The following PSD3 variants were observed in gnomAD, a reference collection of about 807,000 sequenced individuals.
The protein encoded by PSD3 is pleckstrin and Sec7 domain containing 3, also known as PH and SEC7 domain-containing protein 3.
In PSD3, 49 loss-of-function variants were observed where a neutral mutation model predicts 105.5. The ratio of observed to expected loss-of-function variants is 0.46; its 90% CI spans 0.37 to 0.59. The LOEUF (loss-of-function observed/expected upper bound fraction) is 0.59. PSD3 is among the 20% of genes least tolerant of loss of function. PSD3 has a pLI of 0.00. For synonymous variants in PSD3, 557 were observed against 457.8 expected, an observed-to-expected ratio of 1.22 and a Z score of -2.77; for missense variants, 1,561 against 1,263.8, an observed-to-expected ratio of 1.24 and a Z score of -3.57.
At chr8:18,965,377 T>G (rs578117998) in intron 1 of PSD3, among the ~76,000 whole-genome samples, 16 of 152,300 alleles carry the variant, frequency 1.1e-4, no homozygotes, top group African/African-American at 3.4e-4. Context: ...GGTTGCGCCC[T>G]TGAGGAACCA....
chr8:18,869,216 G>T, intron 3 of PSD3, among the ~76,000 whole-genome samples: 1 of 130,520 alleles, frequency 7.7e-6, no homozygotes, highest in Non-Finnish European at 1.6e-5. Context: ...TTGAGATGCA[G>T]TCTAACTCTA....
chr8:18,871,562 G>T, intron 3 of PSD3, 64 bp downstream of exon 3: 1 of 1,516,600 alleles, frequency 6.6e-7, no homozygotes, highest in Non-Finnish European at 8.8e-7. Context: ...ATCAAGTACA[G>T]GATAACAGTT....
intron 13 of PSD3, among the ~76,000 whole-genome samples, chr8:18,574,798 A>G (rs2634431): frequency 0.86 from 130,478 of 152,100 alleles, 56,351 homozygotes; most frequent in South Asian, 0.94. Context: ...CTAGAGAAAC[A>G]GTGTTATCTA....
At chr8:18,615,559 T>C (rs1344460489) in intron 11 of PSD3, among the ~76,000 whole-genome samples, 1 of 152,238 alleles carries the variant, frequency 6.6e-6, no homozygotes, top group East Asian at 1.9e-4. Flanking sequence ...ACTGAAACTT[T>C]ATATATAACA....
chr8:18,672,093 A>C (rs1799817515), intron 9 of PSD3, among the ~76,000 whole-genome samples: 1 of 152,216 alleles, frequency 6.6e-6, no homozygotes, highest in African/African-American at 2.4e-5. Flanking sequence ...AAATTTGTTA[A>C]TGTCCATCTT....
At chr8:18,804,321 G>A in intron 6 of PSD3, 2 of 497,742 alleles carry the variant, frequency 4.0e-6, no homozygotes, top group African/African-American at 4.0e-5. Context: ...ACTTGGATAA[G>A]TATAACACAA....
intron 1 of PSD3, among the ~76,000 whole-genome samples, chr8:18,979,215 C>CA (rs1441677129): frequency 1.3e-5 from 2 of 151,898 alleles, no homozygotes; most frequent in Non-Finnish European, 2.9e-5. Context: ...TTTTTCATTG[C>CA]AGGCTTCCAA....
At chr8:18,968,637 G>C (rs1824434585) in intron 1 of PSD3, among the ~76,000 whole-genome samples, 1 of 152,188 alleles carries the variant, frequency 6.6e-6, no homozygotes, top group African/African-American at 2.4e-5. Flanking sequence ...AGCACTTTGG[G>C]AGACCGAGGC....
intron 4 of PSD3, among the ~76,000 whole-genome samples, chr8:18,825,619 C>T (rs1300861046): frequency 6.6e-6 from 1 of 152,160 alleles, no homozygotes; most frequent in African/African-American, 2.4e-5. Context: ...TTTTTCCAGT[C>T]CCAGCTCAAA....
chr8:18,892,640 T>C (rs908453560), intron 2 of PSD3, among the ~76,000 whole-genome samples: 3 of 151,412 alleles, frequency 2.0e-5, no homozygotes, highest in African/African-American at 7.3e-5. Context: ...TTTTTTTTTT[T>C]TTGAGACAGG....
At chr8:18,861,264 A>G (rs541586449) in intron 4 of PSD3, among the ~76,000 whole-genome samples, 36 of 152,198 alleles carry the variant, frequency 2.4e-4, no homozygotes, top group African/African-American at 8.4e-4. Flanking sequence ...CTTCCAGGAA[A>G]CTGACCTTAC....
Position 18,939,033 on chromosome 8 carries a change from C to A in PSD3, c.22-2891G>T, listed in dbSNP as rs554700150. On this transcript the variant is annotated intron_variant, in intron 1 of 15. Coordinates refer to ENST00000327040, the MANE Select transcript of PSD3 (RefSeq NM_015310.4). Reference sequence around the variant, plus strand: ...GGACTCACTAAAACATCAGAAAGAACATTTTTAAAAAGGAATCCATTACAG... The same window carrying A: ...GGACTCACTAAAACATCAGAAAGAAAATTTTTAAAAAGGAATCCATTACAG... 4.6e-5 allele frequency among the ~76,000 whole-genome samples: 7 copies of A among 151,986 alleles called. 1 individual carries two copies. In the South Asian group the frequency reaches 1.5e-3, roughly 32 times the overall value.
chr8:19,014,708 T>G (rs1020395942), upstream of PSD3, among the ~76,000 whole-genome samples: 5 of 152,308 alleles, frequency 3.3e-5, no homozygotes, highest in Middle Eastern at 3.4e-3. The surrounding 1 kb of genome is among the most constrained non-coding windows in gnomAD (Gnocchi z 4.9). Context: ...GTGACTGACT[T>G]GGCCAAGCTT....
chr8:19,066,775 C>G (rs992697195), intron 1 of PSD3, among the ~76,000 whole-genome samples: 1 of 152,144 alleles, frequency 6.6e-6, no homozygotes, highest in East Asian at 1.9e-4. Context: ...ACACAACATG[C>G]CCACCCACCC....
intron 4 of PSD3, among the ~76,000 whole-genome samples, chr8:18,848,514 G>T (rs1485322100): frequency 1.3e-5 from 2 of 152,172 alleles, no homozygotes; most frequent in Non-Finnish European, 2.9e-5. Context: ...AGGCAGCCAA[G>T]CCAGGCATGC....
chr8:18,708,103 G>A (rs192286495), intron 9 of PSD3, among the ~76,000 whole-genome samples: 1 of 152,312 alleles, frequency 6.6e-6, no homozygotes, highest in African/African-American at 2.4e-5. Flanking sequence ...CCTGGAGACA[G>A]GGGAGAAAGG....
At chr8:18,911,151 C>T (rs1034613437) in intron 2 of PSD3, among the ~76,000 whole-genome samples, 2 of 152,030 alleles carry the variant, frequency 1.3e-5, no homozygotes, top group Non-Finnish European at 2.9e-5. Flanking sequence ...GGAGTGTTTT[C>T]GGTAGAGTGG....
intron 1 of PSD3, among the ~76,000 whole-genome samples, chr8:18,986,896 C>A (rs915627595): frequency 6.6e-6 from 1 of 152,154 alleles, no homozygotes; most frequent in African/African-American, 2.4e-5. Flanking sequence ...GGACCTCACA[C>A]ACCGTGGGCC....
At chr8:18,642,995 T>C (rs1807765232) in intron 10 of PSD3, among the ~76,000 whole-genome samples, 1 of 152,206 alleles carries the variant, frequency 6.6e-6, no homozygotes. Context: ...CTTGATAAAA[T>C]TACATTTCAC....
Sources: allele counts gnomAD v4.1 joint callset (sites outside exome capture counted in the v4.1 genomes callset), GRCh38; gene constraint gnomAD v4.1.1; non-coding constraint Gnocchi (gnomAD v3.1); transcripts MANE v1.5; gene names NCBI Gene and HGNC (gene_info 2026-07-23, HGNC 2026-07-21).